REXO1: variants seen among roughly 807,000 people sequenced by gnomAD.
The protein encoded by REXO1 is REX1, RNA exonuclease 1 homolog.
In REXO1, 42 loss-of-function variants were observed where a neutral mutation model predicts 102.6. The ratio of observed to expected loss-of-function variants is 0.41; its 90% CI spans 0.32 to 0.53. The LOEUF (loss-of-function observed/expected upper bound fraction) is 0.53. REXO1 is among the 20% of genes least tolerant of loss of function. The pLI is 0.27. For missense variants in REXO1, 1,819 were observed against 1,732.5 expected (o/e 1.05, Z -0.89); for synonymous variants, 908 against 779.1 (o/e 1.17, Z -2.76).
At chr19:1,847,686 G>A (rs2011609353) in intron 1 of REXO1, among the ~76,000 whole-genome samples, 1 of 152,230 alleles carries the variant, frequency 6.6e-6, no homozygotes, top group Admixed American at 6.5e-5. Context: ...GCTGGACACA[G>A]GGCTCGACAA....
chr19:1,845,949 C>T (rs751645956), intron 1 of REXO1, among the ~76,000 whole-genome samples: 13 of 152,168 alleles, frequency 8.5e-5, no homozygotes, highest in Non-Finnish European at 1.6e-4. Context: ...ACACGTTCCT[C>T]GATAAGCCTC....
At chr19:1,835,314 C>A (rs893363651) in intron 1 of REXO1, among the ~76,000 whole-genome samples, 1 of 151,994 alleles carries the variant, frequency 6.6e-6, no homozygotes, top group Non-Finnish European at 1.5e-5. Flanking sequence ...GAGGCGGAGG[C>A]GGGAGGATCA....
rs750952115 is a variant in REXO1, at chr19:1,817,779, C to G, written c.3018G>C (p.Val1006=). ...YHWGRLRRNR[V]AGGWETQYMC... ...TGTACTGGGTCTCCCAGCCTCCGGCCACTGCAGGGGACACAGACACACAGT... is the reference window on the plus strand; with the variant it reads ...TGTACTGGGTCTCCCAGCCTCCGGCGACTGCAGGGGACACAGACACACAGT... The change falls in exon 11 of 16, where the codon GTG becomes GTC. Residue 1006 remains valine, a splice_region_variant and synonymous_variant. Transcript: ENST00000170168. 1 of 1,611,694 alleles carries G rather than the reference C, an allele frequency of 6.2e-7. No individual in the cohort carries two copies. Among genetic ancestry groups the G allele is most frequent in the Non-Finnish European group, 8.5e-7 (1 of 1,179,448 alleles).
intron 3 of REXO1, among the ~76,000 whole-genome samples, 176 bp downstream of exon 3, chr19:1,825,663 A>G (rs12985599): frequency 0.32 from 48,352 of 150,886 alleles, 8,966 homozygotes; most frequent in African/African-American, 0.51. Context: ...TTTAGTACAG[A>G]TGGGGTTTTG....
chr19:1,848,060 C>T (rs2011634361), intron 1 of REXO1, 142 bp downstream of exon 1: 1 of 403,670 alleles, frequency 2.5e-6, no homozygotes, highest in Admixed American at 4.5e-5. Flanking sequence ...TGGGTGGTTC[C>T]GGTCCCGACT....
At chr19:1,843,981 CAG>C (rs1407938019) in intron 1 of REXO1, among the ~76,000 whole-genome samples, 2 of 152,218 alleles carry the variant, frequency 1.3e-5, no homozygotes, top group Non-Finnish European at 1.5e-5. Context: ...CTCGGGGCCT[CAG>C]AGTTTCCGAG....
chr19:1,829,293 T>G (rs991244033), intron 1 of REXO1, among the ~76,000 whole-genome samples: 6 of 151,926 alleles, frequency 3.9e-5, no homozygotes, highest in African/African-American at 1.5e-4. Flanking sequence ...AGCTGGAGTA[T>G]AGTGGTGCGA....
chr19:1,827,244 G>T lies in REXO1; in HGVS notation c.1545C>A (p.Ala515=), dbSNP rs767700675. The T allele has an allele frequency of 1.9e-6, 3 of 1,553,402 alleles. No homozygotes were observed. The highest frequency in any genetic ancestry group is 2.6e-6 in the Non-Finnish European group (3 of 1,155,328). The change falls in exon 2 of 16, where the codon GCC becomes GCA. Residue 515 remains alanine (A), a synonymous_variant. Coordinates refer to ENST00000170168, the MANE Select transcript of REXO1 (RefSeq NM_020695.4). ...CCCCAAAGAGGTCGGCGTGGCTCAG[G>T]GCCCGCTTCTTCAGCTTGGGGGCGT... ...SQDAPKLKKR[A]LSHADLFGDE...
At position 1,820,358 on chromosome 19, in the gene REXO1, C is replaced by A. The variant is rs761847327; in HGVS notation, c.2432G>T (p.Gly811Val). 1 of 1,613,760 alleles carries A rather than the reference C, an allele frequency of 6.2e-7. No homozygotes were observed. The highest frequency in any genetic ancestry group is 1.1e-5 in the South Asian group (1 of 91,074). Reference protein sequence around the residue: ...KKPIIPKEFGGKVPTVIRQRY... With the variant: ...KKPIIPKEFGVKVPTVIRQRY... ...CTGGCGGATGACGGTGGGGACTTTG[C>A]CCCCAAACTCTTTGGGGATAATGGG... is the stretch of plus-strand genomic sequence containing the variant. The change falls in exon 6 of 16, where the codon GGC becomes GTC. Residue 811 changes from glycine (G) to valine (V), a missense_variant. Gly to Val is a moderately radical substitution (Grantham distance 109). Transcript: ENST00000170168.
At position 1,826,882 on chromosome 19, in the gene REXO1, C is replaced by A; in HGVS notation, c.1907G>T (p.Arg636Leu). The A allele has an allele frequency of 6.4e-7, 1 of 1,574,328 alleles. No individual in the cohort carries two copies. Among genetic ancestry groups the A allele is most frequent in the Non-Finnish European group, 8.6e-7 (1 of 1,161,320 alleles). Residue 636 changes from arginine to leucine, a missense_variant, in exon 2 of 16, where the codon CGG (arginine) becomes CTG (leucine). By Grantham distance (102) the Arg-to-Leu change is moderately radical. Transcript: ENST00000170168. The surrounding 1 kb of genome is among the most constrained non-coding windows in gnomAD (Gnocchi z 4.3). Reference protein sequence around the residue: ...VKTEDRGRLARQPPKEEKSEE... With the variant: ...VKTEDRGRLALQPPKEEKSEE... ...CCCAGCACCCGCGCGCCTCACCTGCCGGGCCAGCCGGCCTCTGTCCTCCGT... is the reference window on the plus strand; with the variant it reads ...CCCAGCACCCGCGCGCCTCACCTGCAGGGCCAGCCGGCCTCTGTCCTCCGT...
Position 1,818,575 on chromosome 19 carries a change from GGCA to G in REXO1, c.2920_2922del (p.Cys974del). 6.2e-7 allele frequency: 1 copy of G among 1,611,168 alleles called. No individual in the cohort carries two copies. The stretch of plus-strand genomic sequence containing the variant: ...GACACGAGGTACTCGGTGCCACAGC[GGCA>G]GCAGGTCCTGCAGGAAGCTGTGGGT... On this transcript the variant is annotated inframe_deletion, in exon 10 of 16. Coordinates refer to ENST00000170168, the MANE Select transcript of REXO1 (RefSeq NM_020695.4).
rs1416993335 is a variant in REXO1 at position 1,823,807 on chromosome 19, G to A, written c.2017-22C>T. ...CCACCTGCGTCACCACAAATGCTAA[G>A]GCCTGGCAGCACAGCGGGGGCACCT... On this transcript the variant is annotated intron_variant, in intron 3 of 15. Transcript: ENST00000170168. 3.4e-6 allele frequency: 4 copies of A among 1,176,086 alleles called. No homozygotes were observed. The African/African-American group carries it at 4.7e-5, about 14-fold the overall frequency. 72.9% of individuals were successfully genotyped at this position (1,176,086 alleles called of 1,614,324 possible). A position where few individuals can be genotyped will look rare whatever the true frequency, so the allele number is the denominator to read the frequency against.
intron 3 of REXO1, chr19:1,824,423 A>C (rs956191330): frequency 6.6e-6 from 1 of 152,282 alleles, no homozygotes; most frequent in Non-Finnish European, 1.5e-5. Flanking sequence ...CTCCCTCTGG[A>C]ACTCGGGCAG....
chr19:1,848,451 ACCC>A lies in REXO1; in HGVS notation c.-96_-94del. The A allele has an allele frequency of 3.1e-6, 3 of 958,008 alleles. No homozygotes were observed. The highest frequency in any genetic ancestry group is 3.8e-6 in the Non-Finnish European group (3 of 785,592). The allele number at this position is 958,008 out of a possible 1,614,324, so 59.3% of individuals were successfully genotyped here. On this transcript the variant is annotated 5_prime_UTR_variant, in exon 1 of 16. Transcript: ENST00000170168. ...GGTCGCCGCCGCCCGCGCCTCACGG[ACCC>A]CGCCGCCGCCATCTTGCTCCGAGGC...
At position 1,817,766 on chromosome 19, in the gene REXO1, C is replaced by T; in HGVS notation, c.3031G>A (p.Glu1011Lys). 6.2e-7 allele frequency: 1 copy of T among 1,612,174 alleles called. No individual in the cohort carries two copies. The highest frequency in any genetic ancestry group is 8.5e-7 in the Non-Finnish European group (1 of 1,179,680). Residue 1011 changes from glutamate to lysine, a missense_variant, in exon 11 of 16, where the codon GAG becomes AAG. Physicochemically the swap from Glu to Lys is moderately conservative, Grantham distance 56. Transcript: ENST00000170168. ...LRRNRVAGGWETQYMCCSAAA... is the reference protein window; with the variant it reads ...LRRNRVAGGWKTQYMCCSAAA... ...GCCGAGCAGCACATGTACTGGGTCT[C>T]CCAGCCTCCGGCCACTGCAGGGGAC...
In REXO1 at chr19:1,815,919, G is replaced by C. The variant is rs952994837; in HGVS notation, c.*147C>G. Reference sequence around the variant, plus strand: ...TGAGCGGGGGTGGGCTGGGCTGGGCGTTCTCTGGCCGCCAGCTCATCCCGC... The same window carrying C: ...TGAGCGGGGGTGGGCTGGGCTGGGCCTTCTCTGGCCGCCAGCTCATCCCGC... On this transcript the variant is annotated 3_prime_UTR_variant, in exon 16 of 16. Coordinates refer to ENST00000170168, the MANE Select transcript of REXO1 (RefSeq NM_020695.4). The surrounding 1 kb of genome is among the most constrained non-coding windows in gnomAD (Gnocchi z 4.0). 6.5e-7 allele frequency: 1 copy of C among 1,534,446 alleles called. No homozygotes were observed. Among genetic ancestry groups the C allele is most frequent in the Admixed American group, 2.0e-5 (1 of 50,982 alleles).
Position 1,821,595 on chromosome 19 carries a change from C to T in REXO1, c.2318G>A (p.Arg773His), listed in dbSNP as rs1191736764. Residue 773 changes from arginine to histidine, a missense_variant, in exon 5 of 16, where the codon CGC becomes CAC. Physicochemically the swap from Arg to His is conservative, Grantham distance 29. Transcript: ENST00000170168. ...PEPGGQQLKT[R>H]TLSGMASKTT... ...CTTGGACGCCATCCCCGACAATGTGCGTGTTTTCAGCTGCTGGCCACCTGG... is the reference window on the plus strand; with the variant it reads ...CTTGGACGCCATCCCCGACAATGTGTGTGTTTTCAGCTGCTGGCCACCTGG... 12 of 1,613,758 alleles carry T rather than the reference C, an allele frequency of 7.4e-6. No homozygotes were observed. The highest frequency in any genetic ancestry group is 5.3e-5 in the African/African-American group (4 of 74,908).
In REXO1 at chr19:1,819,920, C is replaced by G. The variant is rs1459491426; in HGVS notation, c.2650+14G>C. On this transcript the variant is annotated intron_variant, in intron 7 of 15. Coordinates refer to ENST00000170168, the MANE Select transcript of REXO1 (RefSeq NM_020695.4). ...GCAACCCTGAGCCTCCCCCGCCCAC[C>G]CGCCAGGACTCACTGCTGAGGCCGG... The G allele has an allele frequency of 2.6e-6, 4 of 1,553,410 alleles. No individual in the cohort carries two copies. Among genetic ancestry groups the G allele is most frequent in the Non-Finnish European group, 3.5e-6 (4 of 1,153,584 alleles).
rs750413763 is a variant in REXO1 at position 1,819,922 on chromosome 19, G to C, written c.2650+12C>G. On this transcript the variant is annotated intron_variant, in intron 7 of 15. Transcript: ENST00000170168. ...AACCCTGAGCCTCCCCCGCCCACCCGCCAGGACTCACTGCTGAGGCCGGGC... is the reference window on the plus strand; with the variant it reads ...AACCCTGAGCCTCCCCCGCCCACCCCCCAGGACTCACTGCTGAGGCCGGGC... 5 of 1,559,286 alleles carry C rather than the reference G, an allele frequency of 3.2e-6. No individual in the cohort carries two copies. The Admixed American group carries it at 8.0e-5, about 25-fold the overall frequency.
Sources: allele counts gnomAD v4.1 joint callset (sites outside exome capture counted in the v4.1 genomes callset), GRCh38; gene constraint gnomAD v4.1.1; non-coding constraint Gnocchi (gnomAD v3.1); transcripts MANE v1.5; gene names NCBI Gene and HGNC (gene_info 2026-07-23, HGNC 2026-07-21).